Variants in ADK observed in about 807,000 individuals in gnomAD.
The protein encoded by ADK is N6,N6-dimethyladenosine kinase.
ADK carries 24 observed loss-of-function variants against 44.7 expected under a neutral mutation model. The ratio of observed to expected loss-of-function variants is 0.54; its 90% CI spans 0.39 to 0.76. The LOEUF (loss-of-function observed/expected upper bound fraction) is 0.76, where lower values mean the gene tolerates loss of function less well. Among genes scored for constraint, ADK ranks in the 30% least tolerant of loss-of-function variants. The pLI is 0.00. For synonymous variants in ADK, 128 were observed against 142.6 expected (o/e 0.90, Z 0.73); for missense variants, 321 against 425.1 (o/e 0.76, Z 2.15).
rs184194149 is a variant in ADK at position 74,671,757 on chromosome 10, A to G, written c.964+1488A>G. ...TTTTAAACTTATACACTGTATGTAC[A>G]TTACTTAAGTACTTTAAAATCTTTA... On this transcript the variant is annotated intron_variant, in intron 10 of 10. Transcript: ENST00000539909. Among the ~76,000 whole-genome samples the G allele has an allele frequency of 1.2e-4, 19 of 152,332 alleles. No individual in the cohort carries two copies. The East Asian group carries it at 3.7e-3, about 29-fold the overall frequency.
At chr10:74,688,336 A>G (rs892082845) in intron 10 of ADK, among the ~76,000 whole-genome samples, 3 of 152,152 alleles carry the variant, frequency 2.0e-5, no homozygotes, top group African/African-American at 2.4e-5. Context: ...CCCCATTACA[A>G]TGTAAGTTTC....
intron 6 of ADK, among the ~76,000 whole-genome samples, chr10:74,424,492 G>A (rs1381209590): frequency 8.8e-6 from 1 of 114,060 alleles, no homozygotes; most frequent in East Asian, 2.9e-4. Flanking sequence ...CAAGATCCCC[G>A]CCACTGCACT....
At chr10:74,177,941 A>AT (rs1401738266) in intron 1 of ADK, among the ~76,000 whole-genome samples, 152 of 89,154 alleles carry the variant, frequency 1.7e-3, no homozygotes, top group African/African-American at 4.7e-3. Flanking sequence ...ATATATATAT[A>AT]TATATTTTTT....
chr10:74,205,591 G>A (rs1481884268), intron 2 of ADK, among the ~76,000 whole-genome samples: 1 of 151,454 alleles, frequency 6.6e-6, no homozygotes, highest in Non-Finnish European at 1.5e-5. Flanking sequence ...CAGGAGAATC[G>A]GGTGAACCTG....
chr10:74,473,724 G>A lies in ADK; in HGVS notation c.556-51532G>A, dbSNP rs559017146. 7.0e-4 allele frequency among the ~76,000 whole-genome samples: 107 copies of A among 152,306 alleles called. 1 individual carries two copies. Among genetic ancestry groups the A allele is most frequent in the African/African-American group, 2.5e-3 (104 of 41,562 alleles). On this transcript the variant is annotated intron_variant, in intron 6 of 10. Transcript: ENST00000539909. Reference sequence around the variant, plus strand: ...ATCTGTTACTGTTAGTGTGAACCTTGAACATCAAGTTAAGGTGGTGTCCAT... The same window carrying A: ...ATCTGTTACTGTTAGTGTGAACCTTAAACATCAAGTTAAGGTGGTGTCCAT...
intron 1 of ADK, among the ~76,000 whole-genome samples, chr10:74,166,096 C>T (rs557444322): frequency 9.3e-4 from 142 of 152,222 alleles, no homozygotes; most frequent in Middle Eastern, 3.4e-3. Context: ...TGCGCCACCA[C>T]ACCCAGTGAA....
rs374001307 is a variant in ADK at position 74,468,972 on chromosome 10, GGT to G, written c.556-56272_556-56271del. 5.3e-5 allele frequency among the ~76,000 whole-genome samples: 8 copies of G among 150,702 alleles called. No homozygotes were observed. The South Asian group carries it at 1.1e-3, about 20-fold the overall frequency. On this transcript the variant is annotated intron_variant, in intron 6 of 10. Coordinates refer to ENST00000539909, the MANE Select transcript of ADK (RefSeq NM_006721.4). Reference sequence around the variant, plus strand: ...GGGTGTGTGTGTATGTGCATGTGTGGGTGTGTGTGTGTGAGAGAGAGAGATCT... The same window carrying G: ...GGGTGTGTGTGTATGTGCATGTGTGGGTGTGTGTGTGAGAGAGAGAGATCT...
At chr10:74,467,556 A>G (rs1039297655) in intron 6 of ADK, among the ~76,000 whole-genome samples, 1 of 152,112 alleles carries the variant, frequency 6.6e-6, no homozygotes, top group African/African-American at 2.4e-5. Context: ...CACAATAAAG[A>G]GTTTTCATGG....
intron 8 of ADK, among the ~76,000 whole-genome samples, chr10:74,594,376 A>G (rs1851822922): frequency 6.6e-6 from 1 of 151,060 alleles, no homozygotes; most frequent in Non-Finnish European, 1.5e-5. Context: ...TAGTAATTCA[A>G]ATGAAGTGTG....
intron 10 of ADK, among the ~76,000 whole-genome samples, chr10:74,690,237 G>A (rs1251421074): frequency 6.6e-6 from 1 of 152,214 alleles, no homozygotes; most frequent in African/African-American, 2.4e-5. Context: ...GCTCACACCT[G>A]TAATCCCAGC....
At chr10:74,284,516 G>T (rs1376962354) in intron 3 of ADK, among the ~76,000 whole-genome samples, 1 of 152,104 alleles carries the variant, frequency 6.6e-6, no homozygotes, top group Non-Finnish European at 1.5e-5. Context: ...TGTCTGCTTC[G>T]GCCTCGCCAA....
At chr10:74,373,443 A>G (rs1187678023) in intron 4 of ADK, among the ~76,000 whole-genome samples, 4 of 152,204 alleles carry the variant, frequency 2.6e-5, no homozygotes, top group African/African-American at 9.6e-5. Flanking sequence ...TGAATATATA[A>G]AGAATTATTT....
intron 1 of ADK, among the ~76,000 whole-genome samples, chr10:74,193,605 G>A (rs903659945): frequency 6.6e-6 from 1 of 152,080 alleles, no homozygotes; most frequent in African/African-American, 2.4e-5. Context: ...GGCAACAGAG[G>A]GAGACCCAGT....
intron 6 of ADK, among the ~76,000 whole-genome samples, chr10:74,501,920 A>C (rs74426886): frequency 9.3e-4 from 142 of 152,242 alleles, no homozygotes; most frequent in African/African-American, 3.2e-3. Flanking sequence ...AATGTTGAGA[A>C]GTAGATAGAG....
chr10:74,618,765 A>G (rs116135704), intron 9 of ADK, among the ~76,000 whole-genome samples: 3,098 of 151,998 alleles, frequency 0.02, 112 homozygotes, highest in African/African-American at 0.069. Context: ...TTTATATATA[A>G]TATTTTTATT....
chr10:74,538,186 C>T (rs982529995), intron 7 of ADK, among the ~76,000 whole-genome samples: 8 of 150,634 alleles, frequency 5.3e-5, no homozygotes, highest in African/African-American at 2.0e-4. Context: ...ACCCTGGAGG[C>T]GGAGGTTGCA....
chr10:74,686,364 T>C lies in ADK; in HGVS notation c.964+16095T>C, dbSNP rs576139568. ...AATTCTAGCATTGTCAATGTGATAG[T>C]ATTAAGAGGTGGGGACTTTAAGAGG... On this transcript the variant is annotated intron_variant, in intron 10 of 10. Coordinates refer to ENST00000539909, the MANE Select transcript of ADK (RefSeq NM_006721.4). 1.7e-4 allele frequency among the ~76,000 whole-genome samples: 26 copies of C among 152,286 alleles called. No individual in the cohort carries two copies. In the South Asian group the frequency reaches 2.1e-3, roughly 12 times the overall value.
chr10:74,421,321 A>G (rs1844547544), intron 6 of ADK, among the ~76,000 whole-genome samples: 1 of 152,168 alleles, frequency 6.6e-6, no homozygotes, highest in Non-Finnish European at 1.5e-5. Context: ...ACAAATAAGT[A>G]AATGGATGAT....
chr10:74,325,626 T>C (rs919866417), intron 4 of ADK, among the ~76,000 whole-genome samples: 7 of 152,234 alleles, frequency 4.6e-5, no homozygotes, highest in African/African-American at 1.7e-4. Context: ...TTTTCATATA[T>C]GGCCTTTATT....
Sources: gnomAD v4.1 joint callset for allele counts (sites outside exome capture counted in the v4.1 genomes callset) on GRCh38, gnomAD v4.1.1 for gene constraint, MANE v1.5 for transcripts, NCBI Gene and HGNC (gene_info 2026-07-23, HGNC 2026-07-21) for gene names.